The following COMMD10 variants were observed in gnomAD, a reference collection of about 807,000 sequenced individuals.
The protein encoded by COMMD10 is COMM domain containing 10.
In COMMD10, 33 loss-of-function variants were observed where a neutral mutation model predicts 28.9. The observed-to-expected ratio is 1.14, with a 90% confidence interval of 0.87 to 1.53. The LOEUF is 1.53. COMMD10 is among the 40% of genes most tolerant of loss of function. The pLI, the probability that COMMD10 is intolerant of heterozygous loss-of-function variation, is 0.00. For missense variants in COMMD10, 310 were observed against 233.4 expected (o/e 1.33, Z -2.14); for synonymous variants, 110 against 81.7 (o/e 1.35, Z -1.87).
In COMMD10 at chr5:116,166,611, G is replaced by A. The variant is rs528771666; in HGVS notation, c.510+32433G>A. Among the ~76,000 whole-genome samples the A allele has an allele frequency of 1.1e-4, 17 of 152,238 alleles. No individual in the cohort carries two copies. In the South Asian group the frequency reaches 1.9e-3, roughly 17 times the overall value. ...AGGAGAGCTCCAGCTGACATCTGGC[G>A]GGTGCTCCTCTGAGACGAAACTTCC... On this transcript the variant is annotated intron_variant, in intron 5 of 6. Transcript: ENST00000274458.
intron 5 of COMMD10, among the ~76,000 whole-genome samples, chr5:116,195,935 A>T (rs10035805): frequency 0.98 from 148,950 of 152,254 alleles, 72,939 homozygotes; most frequent in East Asian, 1. Flanking sequence ...CAATAAACAG[A>T]AGATGTTGGC....
chr5:116,169,895 A>G (rs187147947), intron 5 of COMMD10, among the ~76,000 whole-genome samples: 2 of 152,306 alleles, frequency 1.3e-5, no homozygotes, highest in Non-Finnish European at 2.9e-5. Context: ...CTGAATGGGC[A>G]AAAGCTGGAA....
At position 116,087,557 on chromosome 5, in the gene COMMD10, C is replaced by T. The variant is rs370748142; in HGVS notation, c.102C>T (p.Leu34=). 1.2e-6 allele frequency: 2 copies of T among 1,611,684 alleles called. No individual in the cohort carries two copies. Among genetic ancestry groups the T allele is most frequent in the East Asian group, 2.2e-5 (1 of 44,864 alleles). ...AIDTGRFPRL[L]TRILQKLHLK... is the part of the protein sequence containing the mutation. Reference sequence around the variant, plus strand: ...ATACAGGAAGATTTCCACGGTTGCTCACTCGGATTCTTCAAAAACTTCACC... The same window carrying T: ...ATACAGGAAGATTTCCACGGTTGCTTACTCGGATTCTTCAAAAACTTCACC... The change falls in exon 2 of 7, where the codon CTC becomes CTT. Residue 34 remains leucine, a synonymous_variant. Coordinates refer to ENST00000274458, the MANE Select transcript of COMMD10 (RefSeq NM_016144.4).
rs141837267 is a variant in COMMD10 at position 116,250,152 on chromosome 5, G to A, written c.511-41365G>A. On this transcript the variant is annotated intron_variant, in intron 5 of 6. Transcript: ENST00000274458. Reference sequence around the variant, plus strand: ...AACATCTAGTTTTCATTATCTTGGAGCTAATTCAATCGCTGTGATACCTGG... The same window carrying A: ...AACATCTAGTTTTCATTATCTTGGAACTAATTCAATCGCTGTGATACCTGG... 5.5e-3 allele frequency among the ~76,000 whole-genome samples: 838 copies of A among 151,162 alleles called. 20 individuals are homozygous for A. Among genetic ancestry groups the A allele is most frequent in the Non-Finnish European group, 3.9e-3 (265 of 67,816 alleles).
At chr5:116,154,478 C>A (rs1752641236) in intron 5 of COMMD10, among the ~76,000 whole-genome samples, 1 of 152,072 alleles carries the variant, frequency 6.6e-6, no homozygotes, top group Non-Finnish European at 1.5e-5. Context: ...CAAACATGAC[C>A]TGTTTTCTGA....
chr5:116,254,355 G>A (rs1329900206), intron 5 of COMMD10, among the ~76,000 whole-genome samples: 1 of 151,926 alleles, frequency 6.6e-6, no homozygotes, highest in East Asian at 1.9e-4. Context: ...GAATGTGTTT[G>A]CCCTTGCTTT....
At chr5:116,277,204 T>A (rs184492993) in intron 5 of COMMD10, among the ~76,000 whole-genome samples, 2 of 151,850 alleles carry the variant, frequency 1.3e-5, no homozygotes, top group Admixed American at 1.3e-4. Flanking sequence ...ACAATAGACA[T>A]ATTTCAAACA....
intron 5 of COMMD10, among the ~76,000 whole-genome samples, chr5:116,185,110 T>G (rs556947212): frequency 6.6e-6 from 1 of 152,142 alleles, no homozygotes; most frequent in Non-Finnish European, 1.5e-5. Flanking sequence ...AAGGGAGATA[T>G]AAGTACAAGT....
At chr5:116,273,184 C>A (rs1242220305) in intron 5 of COMMD10, among the ~76,000 whole-genome samples, 1 of 151,834 alleles carries the variant, frequency 6.6e-6, no homozygotes, top group Non-Finnish European at 1.5e-5. Context: ...AGATCCTGTT[C>A]AGACATACTG....
chr5:116,166,902 C>T (rs1373059538), intron 5 of COMMD10, among the ~76,000 whole-genome samples: 1 of 152,090 alleles, frequency 6.6e-6, no homozygotes, highest in African/African-American at 2.4e-5. Context: ...AAAACCAATG[C>T]AGAAAGGCTG....
intron 5 of COMMD10, among the ~76,000 whole-genome samples, chr5:116,156,818 C>T (rs1349820281): frequency 1.3e-5 from 2 of 150,984 alleles, no homozygotes; most frequent in Non-Finnish European, 2.9e-5. Context: ...ACTATTTTGC[C>T]AGCTTATACA....
chr5:116,242,151 C>T (rs1005728027), intron 5 of COMMD10, among the ~76,000 whole-genome samples: 1 of 152,068 alleles, frequency 6.6e-6, no homozygotes, highest in Non-Finnish European at 1.5e-5. Flanking sequence ...CACAGAGAGA[C>T]TCAATGATTA....
chr5:116,211,665 C>T lies in COMMD10; in HGVS notation c.510+77487C>T, dbSNP rs147806299. 2.0e-5 allele frequency among the ~76,000 whole-genome samples: 3 copies of T among 152,192 alleles called. No individual in the cohort carries two copies. In the East Asian group the frequency reaches 5.8e-4, roughly 29 times the overall value. The stretch of plus-strand genomic sequence containing the variant: ...AACGCTCAAATAACATACATGGATG[C>T]ATTTTCAATTGCTTCTCAAATATAT... On this transcript the variant is annotated intron_variant, in intron 5 of 6. Transcript: ENST00000274458.
At chr5:116,224,941 T>G (rs1749353847) in intron 5 of COMMD10, among the ~76,000 whole-genome samples, 1 of 152,242 alleles carries the variant, frequency 6.6e-6, no homozygotes, top group Admixed American at 6.5e-5. Context: ...TTCTTTTACA[T>G]TTAAATAAAA....
At chr5:116,100,825 T>G (rs1252189419) in intron 4 of COMMD10, among the ~76,000 whole-genome samples, 1 of 152,220 alleles carries the variant, frequency 6.6e-6, no homozygotes, top group Non-Finnish European at 1.5e-5. Flanking sequence ...GAAATTTTGT[T>G]ACATGCATAG....
rs557811281 is a variant in COMMD10, at chr5:116,224,988, A to G, written c.511-66529A>G. Among the ~76,000 whole-genome samples the G allele has an allele frequency of 2.2e-3, 340 of 152,306 alleles. 5 individuals carry two copies. Among genetic ancestry groups the G allele is most frequent in the African/African-American group, 7.9e-3 (328 of 41,572 alleles). On this transcript the variant is annotated intron_variant, in intron 5 of 6. Coordinates refer to ENST00000274458, the MANE Select transcript of COMMD10 (RefSeq NM_016144.4). ...ATGTTACTTTAACATTTTATATAATATCCTTTAACAATCTGTAGGCTAATC... is the reference window on the plus strand; with the variant it reads ...ATGTTACTTTAACATTTTATATAATGTCCTTTAACAATCTGTAGGCTAATC...
intron 5 of COMMD10, among the ~76,000 whole-genome samples, chr5:116,176,332 T>C (rs1207583288): frequency 6.6e-6 from 1 of 152,204 alleles, no homozygotes; most frequent in African/African-American, 2.4e-5. Flanking sequence ...TAGGCTGGAC[T>C]GGAATTCCTG....
intron 5 of COMMD10, among the ~76,000 whole-genome samples, chr5:116,287,221 C>T (rs2112714479): frequency 6.6e-6 from 1 of 151,762 alleles, no homozygotes; most frequent in East Asian, 1.9e-4. Context: ...ACTGTGACAA[C>T]ATTGAGAACT....
At position 116,254,553 on chromosome 5, in the gene COMMD10, G is replaced by T. The variant is rs533430736; in HGVS notation, c.511-36964G>T. Among the ~76,000 whole-genome samples the T allele has an allele frequency of 1.1e-3, 171 of 151,032 alleles. 1 individual carries two copies. The highest frequency in any genetic ancestry group is 0.01 in the Middle Eastern group (3 of 294). On this transcript the variant is annotated intron_variant, in intron 5 of 6. Transcript: ENST00000274458. ...TTTATTTCTGCCTTCATTTCGTTAT[G>T]TACCCAGTAGTCATTCAGGAGCAGG...
Sources: gnomAD v4.1 joint callset for allele counts (sites outside exome capture counted in the v4.1 genomes callset) on GRCh38, gnomAD v4.1.1 for gene constraint, MANE v1.5 for transcripts, NCBI Gene and HGNC (gene_info 2026-07-23, HGNC 2026-07-21) for gene names.